PCDH15: variants seen among roughly 807,000 people sequenced by gnomAD.
The protein encoded by PCDH15 is protocadherin related 15, also known as protocadherin-15.
In PCDH15, 129 loss-of-function variants were observed where a neutral mutation model predicts 178.5. The observed-to-expected ratio is 0.72, with a 90% CI of 0.63 to 0.84. The LOEUF (loss-of-function observed/expected upper bound fraction) is 0.84. Among genes scored for constraint, PCDH15 ranks in the 40% least tolerant of loss-of-function variants. The pLI, the probability that PCDH15 is intolerant of heterozygous loss-of-function variation, is 0.00. For missense variants in PCDH15, 2,230 were observed against 2,099.9 expected, an observed-to-expected ratio of 1.06 and a Z score of -1.21; for synonymous variants, 800 against 732.0, an observed-to-expected ratio of 1.09 and a Z score of -1.50.
At chr10:55,204,677 A>G (rs1307122416) in intron 1 of PCDH15, among the ~76,000 whole-genome samples, 1 of 152,116 alleles carries the variant, frequency 6.6e-6, no homozygotes, top group Non-Finnish European at 1.5e-5. Flanking sequence ...TCAGGAATGC[A>G]CAACTTTTGT....
intron 2 of PCDH15, among the ~76,000 whole-genome samples, chr10:55,031,634 T>C (rs887405233): frequency 2.4e-4 from 36 of 152,140 alleles, no homozygotes; most frequent in African/African-American, 8.7e-4. Context: ...TGTGATAGTA[T>C]TTAGAAGGTG....
chr10:55,625,130 A>AT lies in PCDH15; in HGVS notation c.-156+2494dup, dbSNP rs557879646. On this transcript the variant is annotated intron_variant, in intron 2 of 5. Coordinates refer to the PCDH15 transcript ENST00000613346. ...TCTAACCAAAGCCATCAGTACACTG[A>AT]TTTTTTTTTAACTTAAGATTTTAAT... Among the ~76,000 whole-genome samples the AT allele has an allele frequency of 2.6e-3, 397 of 151,574 alleles. 2 individuals are homozygous for AT. Among genetic ancestry groups the AT allele is most frequent in the African/African-American group, 9.1e-3 (375 of 41,382 alleles).
chr10:54,023,608 TTA>T (rs1389078432), intron 18 of PCDH15, among the ~76,000 whole-genome samples: 1 of 148,818 alleles, frequency 6.7e-6, no homozygotes, highest in Non-Finnish European at 1.5e-5. Flanking sequence ...CATTTTATAT[TTA>T]TATATGTTTA....
chr10:54,168,829 T>A (rs2046544465), intron 13 of PCDH15, among the ~76,000 whole-genome samples: 1 of 152,028 alleles, frequency 6.6e-6, no homozygotes, highest in Non-Finnish European at 1.5e-5. Context: ...ACTCCAAAAA[T>A]TAAATTCCGG....
chr10:54,615,880 C>A lies in PCDH15; in HGVS notation c.91+48292G>T, dbSNP rs1250787103. 2.6e-5 allele frequency among the ~76,000 whole-genome samples: 4 copies of A among 151,414 alleles called. No individual in the cohort carries two copies. In the East Asian group the frequency reaches 5.8e-4, roughly 22 times the overall value. ...AAGTTTTTCAATAATAAAAATATTC[C>A]CAGTGGAAAATGGCGATGGATACTT... On this transcript the variant is annotated intron_variant, in intron 2 of 37. Transcript: ENST00000644397.
At chr10:53,962,351 T>C (rs2088440995) in intron 21 of PCDH15, among the ~76,000 whole-genome samples, 1 of 152,156 alleles carries the variant, frequency 6.6e-6, no homozygotes, top group Non-Finnish European at 1.5e-5. Flanking sequence ...TAGCTGGGAA[T>C]ACAGGTGTGT....
intron 3 of PCDH15, among the ~76,000 whole-genome samples, chr10:54,812,201 T>TA (rs1952873410): frequency 2.7e-5 from 4 of 150,464 alleles, no homozygotes; most frequent in South Asian, 4.2e-4. Flanking sequence ...AATACCAGCT[T>TA]AAAAAAACAA....
chr10:55,068,783 G>GTA (rs980509467), intron 2 of PCDH15, among the ~76,000 whole-genome samples: 2 of 151,790 alleles, frequency 1.3e-5, no homozygotes, highest in African/African-American at 2.4e-5. Context: ...GTGTGTGTGT[G>GTA]TGCGTGCACG....
At chr10:55,608,008 A>T (rs1159181251) in intron 2 of PCDH15, among the ~76,000 whole-genome samples, 1 of 152,082 alleles carries the variant, frequency 6.6e-6, no homozygotes, top group East Asian at 1.9e-4. Context: ...AAAATATCCA[A>T]GCAAAAGCGC....
intron 3 of PCDH15, among the ~76,000 whole-genome samples, chr10:54,389,897 C>T (rs1950343326): frequency 6.6e-6 from 1 of 151,924 alleles, no homozygotes; most frequent in Admixed American, 6.6e-5. Context: ...GGTTGCAGAT[C>T]GTGCCATTGC....
chr10:53,849,878 A>AG (rs1564607187), intron 28 of PCDH15, among the ~76,000 whole-genome samples: 1 of 150,266 alleles, frequency 6.7e-6, no homozygotes, highest in African/African-American at 2.4e-5. Context: ...AAAAAAAAAA[A>AG]AAAAAGAAAG....
At chr10:54,830,910 C>T (rs1953214828) in intron 3 of PCDH15, among the ~76,000 whole-genome samples, 1 of 151,864 alleles carries the variant, frequency 6.6e-6, no homozygotes, top group African/African-American at 2.4e-5. Flanking sequence ...CTTCTAGTAC[C>T]TCACAAAATT....
chr10:55,146,624 C>A (rs1287249415), intron 2 of PCDH15, among the ~76,000 whole-genome samples: 1 of 151,822 alleles, frequency 6.6e-6, no homozygotes, highest in African/African-American at 2.4e-5. Flanking sequence ...CATGAAAGAG[C>A]TTGCAAGTTT....
intron 27 of PCDH15, among the ~76,000 whole-genome samples, chr10:53,860,013 C>A (rs2078998371): frequency 6.6e-6 from 1 of 152,100 alleles, no homozygotes; most frequent in Admixed American, 6.6e-5. Context: ...CATATGTCTA[C>A]CATTACTGTC....
chr10:55,343,634 A>G (rs1844664415), intron 2 of PCDH15, among the ~76,000 whole-genome samples: 2 of 151,962 alleles, frequency 1.3e-5, no homozygotes, highest in African/African-American at 4.8e-5. Flanking sequence ...GAAAAAAAAA[A>G]ATCACATGCC....
At chr10:54,858,847 T>A (rs1430129479) in intron 3 of PCDH15, among the ~76,000 whole-genome samples, 1 of 152,052 alleles carries the variant, frequency 6.6e-6, no homozygotes, top group Non-Finnish European at 1.5e-5. Context: ...TAATTTCAGA[T>A]TAGAGTAGCT....
intron 3 of PCDH15, among the ~76,000 whole-genome samples, chr10:54,462,680 ATTTTTTTTTTTTT>A (rs767750465): frequency 1.4e-4 from 8 of 56,240 alleles, no homozygotes; most frequent in African/African-American, 5.3e-4. Flanking sequence ...CACCTGCTTA[ATTTTTTTTTTTTT>A]TTTTTTTTTT....
chr10:53,975,931 CA>C (rs1360281281), intron 21 of PCDH15, among the ~76,000 whole-genome samples: 4 of 151,926 alleles, frequency 2.6e-5, no homozygotes, highest in African/African-American at 9.7e-5. Context: ...TTATTCATAT[CA>C]AAAAAATTTT....
chr10:54,257,472 G>C (rs1425034124), intron 8 of PCDH15, among the ~76,000 whole-genome samples: 2 of 146,382 alleles, frequency 1.4e-5, no homozygotes, highest in Non-Finnish European at 1.5e-5. Context: ...GTAAGGCAAG[G>C]TTCCCTAAAG....
Sources: allele counts gnomAD v4.1 joint callset (sites outside exome capture counted in the v4.1 genomes callset), GRCh38; gene constraint gnomAD v4.1.1; transcripts MANE v1.5; gene names NCBI Gene and HGNC (gene_info 2026-07-23, HGNC 2026-07-21).